TESK1: variants seen among roughly 807,000 people sequenced by gnomAD.
The protein encoded by TESK1 is dual specificity testis-specific protein kinase 1.
Under a neutral mutation model 59.9 loss-of-function variants are expected in TESK1, and 18 were observed. That is an observed-to-expected ratio of 0.30 (90% CI 0.21 to 0.45). TESK1 has a LOEUF of 0.45. Ranked by LOEUF, TESK1 falls within the 20% of genes least tolerant of loss-of-function variation. The pLI, the probability that TESK1 is intolerant of heterozygous loss-of-function variation, is 1.00. For synonymous variants in TESK1, 341 were observed against 357.4 expected (o/e 0.95, Z 0.52); for missense variants, 748 against 840.9 (o/e 0.89, Z 1.37).
chr9:35,607,430 C>A lies in TESK1; in HGVS notation c.620+21C>A. 1 of 1,613,356 alleles carries A rather than the reference C, an allele frequency of 6.2e-7. No homozygotes were observed. The highest frequency in any genetic ancestry group is 8.5e-7 in the Non-Finnish European group (1 of 1,179,374). On this transcript the variant is annotated intron_variant, in intron 5 of 9. Transcript: ENST00000336395. This position sits in a 1 kb window ranked among gnomAD's most constrained non-coding sequence, Gnocchi z 4.5. ...TATAGGTGAGATGAATGTCCCTGTT[C>A]CCCCCAAATCTCCCAGAGTGCCCCT...
Position 35,605,671 on chromosome 9 carries a change from G to T in TESK1, c.52G>T (p.Val18Leu). 1 of 1,430,910 alleles carries T rather than the reference G, an allele frequency of 7.0e-7. No individual in the cohort carries two copies. Among genetic ancestry groups the T allele is most frequent in the Non-Finnish European group, 9.1e-7 (1 of 1,095,820 alleles). 88.6% of individuals were successfully genotyped at this position (1,430,910 alleles called of 1,614,324 possible). A position where few individuals can be genotyped will look rare whatever the true frequency, so the allele number is the denominator to read the frequency against. The stretch of plus-strand genomic sequence containing the variant: ...GGGCCCTGGGCCCGGGCCTGGAGAG[G>T]TGCCGGGGGAGGGGCCCCCGGGGCC... The part of the protein sequence containing the change: ...LRGPGPGPGE[V>L]PGEGPPGPGG... Residue 18 changes from valine to leucine, a missense_variant, in exon 1 of 10, where the codon GTG (valine) becomes TTG (leucine). By Grantham distance (32) the Val-to-Leu change is conservative. This residue lies in a region of TESK1 where 133 missense variants were observed against 117.4 expected (regional missense o/e 1.13). Coordinates refer to ENST00000336395, the MANE Select transcript of TESK1 (RefSeq NM_006285.3).
At position 35,605,282 on chromosome 9, in the gene TESK1, T is replaced by TAAGCGGAGCAGCCGCCGCCCGCCCGCC. The variant is rs1822813882; in HGVS notation, c.-337_-311dup. ...GCCGCGGAGCCTGATCCCCGGCGGC[T>TAAGCGGAGCAGCCGCCGCCCGCCCGCC]AAGCGGAGCAGCCGCCGCCCGCCCG... On this transcript the variant is annotated 5_prime_UTR_variant, in exon 1 of 10. Coordinates refer to ENST00000336395, the MANE Select transcript of TESK1 (RefSeq NM_006285.3). The TAAGCGGAGCAGCCGCCGCCCGCCCGCC allele has an allele frequency of 6.7e-6, 1 of 148,744 alleles. No individual in the cohort carries two copies. Among genetic ancestry groups the TAAGCGGAGCAGCCGCCGCCCGCCCGCC allele is most frequent in the African/African-American group, 2.4e-5 (1 of 40,912 alleles). The allele number at this position is 148,744 out of a possible 1,614,324, so 9.2% of individuals were successfully genotyped here. A position where few individuals can be genotyped will look rare whatever the true frequency, so the allele number is the denominator to read the frequency against.
intron 9 of TESK1, 66 bp downstream of exon 9, chr9:35,608,575 T>C (rs1255775324): frequency 1.4e-6 from 2 of 1,445,042 alleles, no homozygotes; most frequent in Non-Finnish European, 1.9e-6. Flanking sequence ...AATTCAGAGG[T>C]GACATGGGGG....
In TESK1 at chr9:35,609,133, C is replaced by T; in HGVS notation, c.1272C>T (p.Thr424=). The T allele has an allele frequency of 6.2e-7, 1 of 1,614,024 alleles. No homozygotes were observed. The highest frequency in any genetic ancestry group is 2.2e-5 in the East Asian group (1 of 44,886). ...TQLPLVTTPE[T]LVQPGTPARR... is the part of the protein sequence containing the mutation. Reference sequence around the variant, plus strand: ...TGCCCTTGGTGACCACTCCGGAGACCCTGGTCCAGCCTGGGACACCTGCCC... The same window carrying T: ...TGCCCTTGGTGACCACTCCGGAGACTCTGGTCCAGCCTGGGACACCTGCCC... The change falls in exon 10 of 10, where the codon ACC becomes ACT. Residue 424 remains threonine, a synonymous_variant. Transcript: ENST00000336395. This position sits in a 1 kb window ranked among gnomAD's most constrained non-coding sequence, Gnocchi z 6.7.
chr9:35,609,900 C>G lies in TESK1; in HGVS notation c.*158C>G. 1 of 853,650 alleles carries G rather than the reference C, an allele frequency of 1.2e-6. No homozygotes were observed. Among genetic ancestry groups the G allele is most frequent in the Non-Finnish European group, 1.7e-6 (1 of 582,610 alleles). 52.9% of individuals were successfully genotyped at this position (853,650 alleles called of 1,614,324 possible). A position where few individuals can be genotyped will look rare whatever the true frequency, so the allele number is the denominator to read the frequency against. On this transcript the variant is annotated 3_prime_UTR_variant, in exon 10 of 10. Transcript: ENST00000336395. This position sits in a 1 kb window ranked among gnomAD's most constrained non-coding sequence, Gnocchi z 6.7. Reference sequence around the variant, plus strand: ...ATGGACTCAAGGGACAGAGCACTTCCAGTCGACCCCCCGGCTCGCGTTCCC... The same window carrying G: ...ATGGACTCAAGGGACAGAGCACTTCGAGTCGACCCCCCGGCTCGCGTTCCC...
intron 3 of TESK1, among the ~76,000 whole-genome samples, 172 bp downstream of exon 3, chr9:35,606,457 TG>T (rs1221130517): frequency 6.6e-6 from 1 of 152,212 alleles, no homozygotes; most frequent in Non-Finnish European, 1.5e-5. Context: ...AGGCCTCAAC[TG>T]GTCTTATTCT....
Position 35,608,267 on chromosome 9 carries a change from C to T in TESK1, c.885+18C>T, listed in dbSNP as rs1449150789. On this transcript the variant is annotated intron_variant, in intron 8 of 9. Coordinates refer to ENST00000336395, the MANE Select transcript of TESK1 (RefSeq NM_006285.3). ...GCTGCAACGTAAGAGCCTCACACTC[C>T]TTCCTGCCCCACCCTGCCCCCATCC... 6.2e-7 allele frequency: 1 copy of T among 1,613,558 alleles called. No homozygotes were observed. Among genetic ancestry groups the T allele is most frequent in the Non-Finnish European group, 8.5e-7 (1 of 1,179,590 alleles).
At position 35,607,074 on chromosome 9, in the gene TESK1, T is replaced by C. The variant is rs1822865278; in HGVS notation, c.537+91T>C. 6.9e-7 allele frequency: 1 copy of C among 1,452,830 alleles called. No individual in the cohort carries two copies. The allele number at this position is 1,452,830 out of a possible 1,614,324, so 90.0% of individuals were successfully genotyped here. A position where few individuals can be genotyped will look rare whatever the true frequency, so the allele number is the denominator to read the frequency against. Reference sequence around the variant, plus strand: ...TGGATGTTGGAATATGGATAACAGATATATTAGGATGTTGGAGTGGCAAGG... The same window carrying C: ...TGGATGTTGGAATATGGATAACAGACATATTAGGATGTTGGAGTGGCAAGG... On this transcript the variant is annotated intron_variant, in intron 4 of 9. Transcript: ENST00000336395. This position sits in a 1 kb window ranked among gnomAD's most constrained non-coding sequence, Gnocchi z 4.5.
rs1403728071 is a variant in TESK1 at position 35,607,583 on chromosome 9, G to A, written c.622G>A (p.Glu208Lys). ...GLAEKIPVYR[E>K]GARKEPLAVV... ...ACCACTCTGCCCCTGCCCCTGCAGGGAGGGGGCAAGGAAGGAGCCATTGGC... is the reference window on the plus strand; with the variant it reads ...ACCACTCTGCCCCTGCCCCTGCAGGAAGGGGGCAAGGAAGGAGCCATTGGC... The change falls in exon 6 of 10, where the codon GAG (glutamate) becomes AAG (lysine). Residue 208 changes from glutamate to lysine, a missense_variant and splice_region_variant. Coordinates refer to ENST00000336395, the MANE Select transcript of TESK1 (RefSeq NM_006285.3). This position sits in a 1 kb window ranked among gnomAD's most constrained non-coding sequence, Gnocchi z 4.5. 2 of 1,613,622 alleles carry A rather than the reference G, an allele frequency of 1.2e-6. No homozygotes were observed. The highest frequency in any genetic ancestry group is 1.1e-5 in the South Asian group (1 of 91,064).
At chr9:35,606,707 G>T in intron 3 of TESK1, 130 bp from the exon 4 acceptor site, 1 of 797,496 alleles carries the variant, frequency 1.3e-6, no homozygotes, top group Non-Finnish European at 1.9e-6. Context: ...ATGGATGGGG[G>T]GGGTCCTACA....
chr9:35,607,001 G>A lies in TESK1; in HGVS notation c.537+18G>A. 2 of 1,566,790 alleles carry A rather than the reference G, an allele frequency of 1.3e-6. No individual in the cohort carries two copies. The highest frequency in any genetic ancestry group is 1.7e-4 in the Middle Eastern group (1 of 5,856). On this transcript the variant is annotated intron_variant, in intron 4 of 9. Coordinates refer to ENST00000336395, the MANE Select transcript of TESK1 (RefSeq NM_006285.3). The surrounding 1 kb of genome is among the most constrained non-coding windows in gnomAD (Gnocchi z 4.5). ...CATCCAAGGTAGGCTAGCAGGGTGG[G>A]TGGAGACATGAAAGAGGGTTTGAGG...
In TESK1 at chr9:35,607,399, C is replaced by G; in HGVS notation, c.610C>G (p.Pro204Ala). The G allele has an allele frequency of 6.2e-7, 1 of 1,614,128 alleles. No homozygotes were observed. Among genetic ancestry groups the G allele is most frequent in the Non-Finnish European group, 8.5e-7 (1 of 1,180,012 alleles). Residue 204 changes from proline (P) to alanine (A), a missense_variant, in exon 5 of 10, where the codon CCT becomes GCT. Physicochemically the swap from Pro to Ala is conservative, Grantham distance 27 (BLOSUM62 -1). This residue lies in a region of TESK1 where 168 missense variants were observed against 257.4 expected (regional missense o/e 0.65). Transcript: ENST00000336395. The surrounding 1 kb of genome is among the most constrained non-coding windows in gnomAD (Gnocchi z 4.5). Reference sequence around the variant, plus strand: ...TGACTTCGGGCTGGCCGAAAAGATTCCTGTGTATAGGTGAGATGAATGTCC... The same window carrying G: ...TGACTTCGGGCTGGCCGAAAAGATTGCTGTGTATAGGTGAGATGAATGTCC... The part of the protein sequence containing the change: ...VGDFGLAEKI[P>A]VYREGARKEP...
chr9:35,609,398 G>T lies in TESK1; in HGVS notation c.1537G>T (p.Val513Phe). The T allele has an allele frequency of 1.2e-6, 2 of 1,609,388 alleles. No individual in the cohort carries two copies. Among genetic ancestry groups the T allele is most frequent in the Non-Finnish European group, 1.7e-6 (2 of 1,177,600 alleles). ...ACCCTGGTCCCCTAGATCAGGACCC[G>T]TCCTCAATAACAATCCCCCAGCTGT... Reference protein sequence around the residue: ...SQPWSPRSGPVLNNNPPAVVV... With the variant: ...SQPWSPRSGPFLNNNPPAVVV... Residue 513 changes from valine (V) to phenylalanine (F), a missense_variant, in exon 10 of 10, where the codon GTC (valine) becomes TTC (phenylalanine). Coordinates refer to ENST00000336395, the MANE Select transcript of TESK1 (RefSeq NM_006285.3). The surrounding 1 kb of genome is among the most constrained non-coding windows in gnomAD (Gnocchi z 6.7).
In TESK1 at chr9:35,607,748, C is replaced by T; in HGVS notation, c.711+76C>T. 1 of 1,395,528 alleles carries T rather than the reference C, an allele frequency of 7.2e-7. No homozygotes were observed. Among genetic ancestry groups the T allele is most frequent in the East Asian group, 2.3e-5 (1 of 43,174 alleles). The allele number at this position is 1,395,528 out of a possible 1,614,324, so 86.4% of individuals were successfully genotyped here. A position where few individuals can be genotyped will look rare whatever the true frequency, so the allele number is the denominator to read the frequency against. ...ATTCTCATAAAGCCCCATCCATCCC[C>T]AAAACAACCCTACCAGATCTTCAGG... On this transcript the variant is annotated intron_variant, in intron 6 of 9. Transcript: ENST00000336395. The surrounding 1 kb of genome is among the most constrained non-coding windows in gnomAD (Gnocchi z 4.5).
rs771973973 is a variant in TESK1, at chr9:35,609,524, C to T, written c.1663C>T (p.Pro555Ser). 2 of 1,610,950 alleles carry T rather than the reference C, an allele frequency of 1.2e-6. No homozygotes were observed. The highest frequency in any genetic ancestry group is 2.2e-5 in the East Asian group (1 of 44,834). The stretch of plus-strand genomic sequence containing the variant: ...CCTGGAGCGGACAGAACCCTCGCCA[C>T]CCCCTTCAGCTCCCCGGGAGCCCGA... Reference protein sequence around the residue: ...AALERTEPSPPPSAPREPDEG... With the variant: ...AALERTEPSPSPSAPREPDEG... The change falls in exon 10 of 10, where the codon CCC (proline) becomes TCC (serine). Residue 555 changes from proline to serine, a missense_variant. By Grantham distance (74) the Pro-to-Ser change is moderately conservative. Transcript: ENST00000336395. The surrounding 1 kb of genome is among the most constrained non-coding windows in gnomAD (Gnocchi z 6.7).
rs760918933 is a variant in TESK1, at chr9:35,606,909, C to T, written c.463C>T (p.Leu155=). 1.9e-6 allele frequency: 3 copies of T among 1,613,910 alleles called. No individual in the cohort carries two copies. The Admixed American group carries it at 5.0e-5, about 27-fold the overall frequency. The change falls in exon 4 of 10, where the codon CTG becomes TTG. Residue 155 remains leucine (L), a synonymous_variant. Transcript: ENST00000336395. ...EPLSWPVRLH[L]ALDIARGLRY... is the part of the protein sequence containing the mutation. ...CCTGTCCTGGCCGGTCAGGCTCCAC[C>T]TGGCCCTGGACATTGCCCGAGGCCT...
intron 3 of TESK1, 104 bp downstream of exon 3, chr9:35,606,389 A>C: frequency 7.2e-7 from 1 of 1,388,612 alleles, no homozygotes; most frequent in Non-Finnish European, 1.0e-6. Flanking sequence ...GAGAGGCAAC[A>C]GGATCTCCTC....
Position 35,607,252 on chromosome 9 carries a change from C to T in TESK1, c.538-75C>T. On this transcript the variant is annotated intron_variant, in intron 4 of 9. Transcript: ENST00000336395. This position sits in a 1 kb window ranked among gnomAD's most constrained non-coding sequence, Gnocchi z 4.5. ...TTGGAGTTATGCTGGAGTGACAGGG[C>T]TTTGGGTTATACATTGGGAGGCCAG... is the stretch of plus-strand genomic sequence containing the variant. 6.4e-7 allele frequency: 1 copy of T among 1,567,460 alleles called. No individual in the cohort carries two copies. Among genetic ancestry groups the T allele is most frequent in the Non-Finnish European group, 8.8e-7 (1 of 1,139,016 alleles).
chr9:35,606,416 T>G (rs2131744715), intron 3 of TESK1, 131 bp downstream of exon 3: 1 of 1,117,790 alleles, frequency 8.9e-7, no homozygotes, highest in East Asian at 2.5e-5. Flanking sequence ...GAGGCTTTCC[T>G]GAACTTTCCT....
Sources: gnomAD v4.1 joint callset for allele counts (sites outside exome capture counted in the v4.1 genomes callset) on GRCh38, gnomAD v4.1.1 for gene constraint, gnomAD v4.1.1 regional missense constraint, Gnocchi (gnomAD v3.1) non-coding constraint, MANE v1.5 for transcripts, NCBI Gene and HGNC (gene_info 2026-07-23, HGNC 2026-07-21) for gene names.